Variants in TENM1 observed in about 807,000 individuals in gnomAD.
TENM1 encodes the protein teneurin transmembrane protein 1, also known as teneurin-1.
TENM1 carries 35 observed loss-of-function variants against 174.8 expected under a neutral mutation model. The observed-to-expected ratio is 0.20, with a 90% CI of 0.15 to 0.27. TENM1 has a LOEUF of 0.27. TENM1 is among the 10% of genes least tolerant of loss of function. The pLI, the probability that TENM1 is intolerant of heterozygous loss-of-function variation, is 1.00. For synonymous variants in TENM1, 781 were observed against 798.7 expected, an observed-to-expected ratio of 0.98 and a Z score of 0.37; for missense variants, 1,633 against 2,130.1, an observed-to-expected ratio of 0.77 and a Z score of 4.59.
At chrX:125,091,985 CAAAAAAAAAAAAA>C in the TENM1 span, among the ~76,000 whole-genome samples, 5 of 14,182 alleles carry the variant, frequency 3.5e-4, no homozygotes, top group East Asian at 9.3e-3. Flanking sequence ...AACTCTGTCT[CAAAAAAAAAAAAA>C]AAAAAAAAAA....
rs191202378 is a variant in TENM1, at chrX:124,506,254, G to A, written c.3302-2551C>T. 1.3e-3 allele frequency among the ~76,000 whole-genome samples: 146 copies of A among 111,271 alleles called. 1 individual carries two copies. Among genetic ancestry groups the A allele is most frequent in the African/African-American group, 4.2e-3 (129 of 30,602 alleles). Reference sequence around the variant, plus strand: ...TGTGCCCTGGTGACCTGTGATGGTGGTTTGGAGCCTGCTTTTTCTCTCTCA... The same window carrying A: ...TGTGCCCTGGTGACCTGTGATGGTGATTTGGAGCCTGCTTTTTCTCTCTCA... On this transcript the variant is annotated intron_variant, in intron 18 of 31. Transcript: ENST00000422452.
chrX:124,628,460 AATAAT>A (rs986304579), intron 11 of TENM1, among the ~76,000 whole-genome samples: 5 of 111,375 alleles, frequency 4.5e-5, no homozygotes, highest in Non-Finnish European at 9.4e-5. Context: ...AATTAATTTA[AATAAT>A]ATATTTTATT....
chrX:125,067,667 T>C, the TENM1 span, among the ~76,000 whole-genome samples: 3 of 111,773 alleles, frequency 2.7e-5, no homozygotes, highest in Non-Finnish European at 5.6e-5. Flanking sequence ...CTGAACTAGG[T>C]AGCAGGCCAT....
At chrX:125,138,999 G>A in the TENM1 span, among the ~76,000 whole-genome samples, 1 of 110,248 alleles carries the variant, frequency 9.1e-6, no homozygotes, top group Non-Finnish European at 1.9e-5. Context: ...TGGCTGCTTT[G>A]TTATCATGGA....
chrX:124,886,294 T>G, intron 3 of TENM1, among the ~76,000 whole-genome samples: 1 of 109,838 alleles, frequency 9.1e-6, no homozygotes, highest in Middle Eastern at 4.9e-3. Flanking sequence ...TCTAAAATAC[T>G]AATTAATTTT....
Position 124,622,882 on chromosome X carries a change from A to T in TENM1, c.2077+18909T>A, listed in dbSNP as rs377062647. Among the ~76,000 whole-genome samples, 17 of 111,631 alleles carry T rather than the reference A, an allele frequency of 1.5e-4. No homozygotes were observed. The East Asian group carries it at 1.7e-3, about 11-fold the overall frequency. On this transcript the variant is annotated intron_variant, in intron 11 of 31. Coordinates refer to ENST00000422452, the Ensembl canonical transcript of TENM1. Reference sequence around the variant, plus strand: ...TTCCCAAAGCACTTCACATTTAAAGATGTTCTGTATTTCAAGACAGAATGA... The same window carrying T: ...TTCCCAAAGCACTTCACATTTAAAGTTGTTCTGTATTTCAAGACAGAATGA...
chrX:125,104,365 A>C, the TENM1 span, among the ~76,000 whole-genome samples: 3 of 112,270 alleles, frequency 2.7e-5, no homozygotes, highest in Non-Finnish European at 5.6e-5. Flanking sequence ...GTTACTTCCC[A>C]AACTCTTCCT....
chrX:124,877,516 T>G (rs1371955678), intron 3 of TENM1, among the ~76,000 whole-genome samples: 1 of 111,829 alleles, frequency 8.9e-6, no homozygotes, highest in African/African-American at 3.3e-5. Context: ...GAATTTAAGA[T>G]AATTTGGGGG....
chrX:124,492,937 A>G (rs1175015569), intron 20 of TENM1, among the ~76,000 whole-genome samples: 1 of 110,129 alleles, frequency 9.1e-6, no homozygotes, highest in Non-Finnish European at 1.9e-5. Flanking sequence ...TTCTCAAAGG[A>G]GTCTAACACT....
chrX:124,948,172 G>A (rs1287899661), intron 1 of TENM1, among the ~76,000 whole-genome samples: 1 of 112,099 alleles, frequency 8.9e-6, no homozygotes, highest in African/African-American at 3.2e-5. Flanking sequence ...TGAAGTAATA[G>A]TTGTTGGTAG....
chrX:124,669,010 A>C (rs1212568500), intron 6 of TENM1, among the ~76,000 whole-genome samples: 1 of 111,945 alleles, frequency 8.9e-6, no homozygotes, highest in African/African-American at 3.3e-5. Flanking sequence ...GTTTGAAAGC[A>C]GGTTCTATAG....
the TENM1 span, among the ~76,000 whole-genome samples, chrX:125,051,760 A>T: frequency 4.8e-5 from 5 of 103,363 alleles, no homozygotes; most frequent in African/African-American, 1.1e-4. Context: ...AACCTAGGCA[A>T]TACCATTCAG....
At chrX:124,515,293 C>A (rs182494261) in intron 18 of TENM1, among the ~76,000 whole-genome samples, 42 of 111,737 alleles carry the variant, frequency 3.8e-4, no homozygotes, top group South Asian at 7.5e-4. Flanking sequence ...TGGCACAAGA[C>A]AAGGATGCCC....
At chrX:124,563,992 T>C (rs1322514600) in intron 12 of TENM1, among the ~76,000 whole-genome samples, 3 of 112,309 alleles carry the variant, frequency 2.7e-5, no homozygotes, top group Non-Finnish European at 5.6e-5. Context: ...GAAACTCTAT[T>C]AGGCTTCATA....
intron 3 of TENM1, among the ~76,000 whole-genome samples, chrX:124,882,618 T>C (rs2057320525): frequency 1.8e-5 from 2 of 112,568 alleles, no homozygotes; most frequent in South Asian, 7.2e-4. Flanking sequence ...GATTGCTTTA[T>C]CATTATATGA....
intron 6 of TENM1, among the ~76,000 whole-genome samples, chrX:124,655,413 C>G (rs1161351192): frequency 8.9e-6 from 1 of 111,949 alleles, no homozygotes; most frequent in Non-Finnish European, 1.9e-5. Context: ...TTTAGTTTGC[C>G]TTGATTTTAA....
chrX:124,811,458 A>C (rs762597827), intron 3 of TENM1, among the ~76,000 whole-genome samples: 1 of 111,618 alleles, frequency 9.0e-6, no homozygotes, highest in Non-Finnish European at 1.9e-5. Context: ...TAAAACCACA[A>C]TGAGATATCA....
At chrX:125,087,777 T>C in the TENM1 span, among the ~76,000 whole-genome samples, 4 of 111,376 alleles carry the variant, frequency 3.6e-5, no homozygotes, top group Non-Finnish European at 7.6e-5. Flanking sequence ...TAAAGTAGTA[T>C]TGGATTATTA....
chrX:124,951,673 T>A (rs6649304), intron 1 of TENM1, among the ~76,000 whole-genome samples: 4,896 of 65,884 alleles, frequency 0.074, 345 homozygotes, highest in African/African-American at 0.21. Context: ...TATATATATA[T>A]AACAATCAAT....
Sources: gnomAD v4.1 joint callset for allele counts (sites outside exome capture counted in the v4.1 genomes callset) on GRCh38, gnomAD v4.1.1 for gene constraint, MANE v1.5 for transcripts, NCBI Gene and HGNC (gene_info 2026-07-23, HGNC 2026-07-21) for gene names.